Variants in FAN1 observed in about 807,000 individuals in gnomAD.
FAN1 encodes the protein fanconi-associated nuclease 1.
A neutral mutation model predicts 104.9 loss-of-function variants in FAN1; 91 were observed. That is an observed-to-expected ratio of 0.87 (90% CI 0.73 to 1.03). The LOEUF (loss-of-function observed/expected upper bound fraction) is 1.03. Ranked by LOEUF, FAN1 falls within the 50% of genes least tolerant of loss-of-function variation. The pLI, the probability that FAN1 is intolerant of heterozygous loss-of-function variation, is 0.00. For missense variants in FAN1, 1,263 were observed against 1,239.9 expected (o/e 1.02, Z -0.28); for synonymous variants, 478 against 457.6 (o/e 1.04, Z -0.57).
rs1262731851 is a variant in FAN1 at position 30,929,293 on chromosome 15, G to A, written c.2683G>A (p.Glu895Lys). ...GCTGCAGCTGATTCATGATGCCCCC[G>A]AGGAGAGCCTGCGGGCCTGGGTGGC... Reference protein sequence around the residue: ...ARLQLIHDAPEESLRAWVAAT... With the variant: ...ARLQLIHDAPKESLRAWVAAT... Residue 895 changes from glutamate to lysine, a missense_variant, in exon 12 of 15, where the codon GAG becomes AAG. Glu to Lys is a moderately conservative substitution (Grantham distance 56). This residue lies in a region of FAN1 where 581 missense variants were observed against 668.8 expected (regional missense o/e 0.87). Coordinates refer to ENST00000362065, the MANE Select transcript of FAN1 (RefSeq NM_014967.5). 3.1e-6 allele frequency: 5 copies of A among 1,613,090 alleles called. No homozygotes were observed. The South Asian group carries it at 3.3e-5, about 11-fold the overall frequency.
chr15:30,911,127 C>G (rs1209267769), intron 4 of FAN1: 1 of 1,104,460 alleles, frequency 9.1e-7, no homozygotes, highest in Admixed American at 4.8e-5. Context: ...TTAAGGTAAA[C>G]TATTTAGTCA....
Position 30,908,109 on chromosome 15 carries a change from T to A in FAN1, c.1235-9T>A. 1 of 1,588,016 alleles carries A rather than the reference T, an allele frequency of 6.3e-7. No homozygotes were observed. The highest frequency in any genetic ancestry group is 8.5e-7 in the Non-Finnish European group (1 of 1,171,000). ...GTGATTTTCAACATTTTTCTTAACT[T>A]TATTGCAGCTACTGGTCAGAAGTTA... On this transcript the variant is annotated splice_polypyrimidine_tract_variant and intron_variant, in intron 2 of 14. Transcript: ENST00000362065.
chr15:30,928,732 G>A, intron 11 of FAN1, 76 bp downstream of exon 11: 1 of 1,599,396 alleles, frequency 6.3e-7, no homozygotes, highest in South Asian at 1.1e-5. Context: ...GGCACCGTGT[G>A]TCCACAGCCA....
In FAN1 at chr15:30,904,955, A is replaced by G. The variant is rs199838412; in HGVS notation, c.292A>G (p.Thr98Ala). 2.5e-5 allele frequency: 41 copies of G among 1,613,906 alleles called. No homozygotes were observed. The highest frequency in any genetic ancestry group is 3.3e-5 in the Non-Finnish European group (39 of 1,180,016). ...AACCAGTGTTACCTTAGAAGATGTA[A>G]CACCTAAGAAGTCACCACCACCAAA... ...DLTSVTLEDVTPKKSPPPKTN... is the reference protein window; with the variant it reads ...DLTSVTLEDVAPKKSPPPKTN... Residue 98 changes from threonine to alanine, a missense_variant, in exon 2 of 15, where the codon ACA becomes GCA. By Grantham distance (58) the Thr-to-Ala change is moderately conservative. This residue lies in a region of FAN1 where 682 missense variants were observed against 571.1 expected (regional missense o/e 1.19). Coordinates refer to ENST00000362065, the MANE Select transcript of FAN1 (RefSeq NM_014967.5).
chr15:30,925,413 C>T, intron 9 of FAN1, 122 bp downstream of exon 9: 1 of 990,862 alleles, frequency 1.0e-6, no homozygotes, highest in Non-Finnish European at 1.5e-6. Flanking sequence ...TAATCTAAAA[C>T]TCGTTTTGGA....
chr15:30,943,073 C>T lies in FAN1; in HGVS notation c.*1511C>T. ...GGATGTTTTTGCTTATAGCAAATTC[C>T]TGCAAAATAAATAAATAAATATTTG... On this transcript the variant is annotated 3_prime_UTR_variant, in exon 15 of 15. Coordinates refer to ENST00000362065, the MANE Select transcript of FAN1 (RefSeq NM_014967.5). The T allele has an allele frequency of 6.6e-7, 1 of 1,525,140 alleles. No homozygotes were observed. Among genetic ancestry groups the T allele is most frequent in the Non-Finnish European group, 8.8e-7 (1 of 1,139,732 alleles). 94.5% of individuals were successfully genotyped at this position (1,525,140 alleles called of 1,614,324 possible).
intron 9 of FAN1, 47 bp from the exon 10 acceptor site, chr15:30,925,742 C>T: frequency 6.2e-7 from 1 of 1,606,176 alleles, no homozygotes; most frequent in Non-Finnish European, 8.5e-7. Context: ...TTTTCAGGGA[C>T]TTTTGCTGAC....
chr15:30,909,664 T>G (rs2062055663), intron 3 of FAN1, among the ~76,000 whole-genome samples: 2 of 152,196 alleles, frequency 1.3e-5, no homozygotes, highest in South Asian at 4.1e-4. Flanking sequence ...GCTCTGGCTG[T>G]CCCTCTCGCT....
At chr15:30,907,556 A>G (rs914724035) in intron 2 of FAN1, among the ~76,000 whole-genome samples, 3 of 151,532 alleles carry the variant, frequency 2.0e-5, no homozygotes, top group Non-Finnish European at 1.5e-5. Flanking sequence ...AAAAACAACC[A>G]AAAAAAACAA....
chr15:30,932,412 T>C (rs1290242917), intron 13 of FAN1, among the ~76,000 whole-genome samples: 1 of 152,104 alleles, frequency 6.6e-6, no homozygotes, highest in African/African-American at 2.4e-5. Flanking sequence ...TTTTCTTTTC[T>C]TATTATCTCT....
At chr15:30,930,873 A>G in intron 13 of FAN1, among the ~76,000 whole-genome samples, 1 of 152,172 alleles carries the variant, frequency 6.6e-6, no homozygotes, top group East Asian at 1.9e-4. Flanking sequence ...CCAGAGTGTG[A>G]GCAAGACAGA....
intron 3 of FAN1, among the ~76,000 whole-genome samples, chr15:30,910,131 G>C (rs897020721): frequency 5.9e-5 from 9 of 152,226 alleles, no homozygotes; most frequent in African/African-American, 1.9e-4. Context: ...AGCGAGGTCT[G>C]ACTGAGCCGA....
chr15:30,920,496 T>C (rs761906714), intron 6 of FAN1, 49 bp from the exon 7 acceptor site: 9 of 1,197,252 alleles, frequency 7.5e-6, no homozygotes, highest in African/African-American at 1.5e-5. Context: ...TATTGTCTTA[T>C]AATAAATTAA....
intron 13 of FAN1, among the ~76,000 whole-genome samples, chr15:30,931,706 AT>A (rs913669808): frequency 2.9e-4 from 44 of 152,210 alleles, no homozygotes; most frequent in African/African-American, 1.0e-3. Flanking sequence ...TTCCCTCTGT[AT>A]CTTTGTCAAA....
Position 30,929,309 on chromosome 15 carries a change from C to T in FAN1, c.2699C>T (p.Ala900Val). Residue 900 changes from alanine to valine, a missense_variant, in exon 12 of 15, where the codon GCC (alanine) becomes GTC (valine). Around this residue, in one of 2 missense-constraint regions of FAN1, gnomAD observed 581 missense variants for 668.8 expected, o/e 0.87. Coordinates refer to ENST00000362065, the MANE Select transcript of FAN1 (RefSeq NM_014967.5). ...IHDAPEESLR[A>V]WVAATWHEQE... ...GATGCCCCCGAGGAGAGCCTGCGGG[C>T]CTGGGTGGCAGCCACGTGGCATGAG... The T allele has an allele frequency of 6.2e-7, 1 of 1,612,834 alleles. No individual in the cohort carries two copies. Among genetic ancestry groups the T allele is most frequent in the Non-Finnish European group, 8.5e-7 (1 of 1,179,508 alleles).
rs151030057 is a variant in FAN1, at chr15:30,925,155, C to T, written c.2201C>T (p.Ala734Val). The T allele has an allele frequency of 6.3e-5, 101 of 1,613,642 alleles. No homozygotes were observed. In the African/African-American group the frequency reaches 8.5e-4, roughly 14 times the overall value. Residue 734 changes from alanine (A) to valine (V), a missense_variant, in exon 9 of 15, where the codon GCG (alanine) becomes GTG (valine). By Grantham distance (64) the Ala-to-Val change is moderately conservative. Transcript: ENST00000362065. ...PTIKCITEGL[A>V]DPEVRTGHRL... Reference sequence around the variant, plus strand: ...ATCAAGTGCATCACAGAGGGGCTGGCGGATCCGGAAGTCAGAACGGGACAC... The same window carrying T: ...ATCAAGTGCATCACAGAGGGGCTGGTGGATCCGGAAGTCAGAACGGGACAC...
chr15:30,939,683 C>T, intron 14 of FAN1: 2 of 957,128 alleles, frequency 2.1e-6, no homozygotes, highest in South Asian at 9.7e-5. Flanking sequence ...AAGAAAATTA[C>T]AGAGGGAAAA....
chr15:30,927,487 C>T (rs2062494355), intron 10 of FAN1: 1 of 985,714 alleles, frequency 1.0e-6, no homozygotes, highest in South Asian at 4.7e-5. Context: ...AGCAGCACAG[C>T]CTCAGAAGTG....
chr15:30,913,076 A>G (rs927660290), intron 4 of FAN1, among the ~76,000 whole-genome samples: 5 of 152,226 alleles, frequency 3.3e-5, no homozygotes, highest in Admixed American at 3.3e-4. Context: ...CCATAGACCG[A>G]TAACTGTCCA....
Sources: gnomAD v4.1 joint callset for allele counts (sites outside exome capture counted in the v4.1 genomes callset) on GRCh38, gnomAD v4.1.1 for gene constraint, gnomAD v4.1.1 regional missense constraint, MANE v1.5 for transcripts, NCBI Gene and HGNC (gene_info 2026-07-23, HGNC 2026-07-21) for gene names.